LINGO2: variants seen among roughly 807,000 people sequenced by gnomAD.
LINGO2 encodes the protein leucine-rich repeat and immunoglobulin-like domain-containing nogo receptor-interacting protein 2.
A neutral mutation model predicts 30.6 loss-of-function variants in LINGO2; 14 were observed. The observed-to-expected ratio is 0.46, with a 90% CI of 0.30 to 0.72. The LOEUF (loss-of-function observed/expected upper bound fraction) is 0.72. Among genes scored for constraint, LINGO2 ranks in the 30% least tolerant of loss-of-function variants. The pLI, the probability that LINGO2 is intolerant of heterozygous loss-of-function variation, is 0.07. For synonymous variants in LINGO2, 317 were observed against 288.5 expected, an observed-to-expected ratio of 1.10 and a Z score of -1.00; for missense variants, 729 against 751.7, an observed-to-expected ratio of 0.97 and a Z score of 0.35.
chr9:28,416,173 G>T (rs1822959435), intron 2 of LINGO2, among the ~76,000 whole-genome samples: 2 of 152,030 alleles, frequency 1.3e-5, no homozygotes, highest in Admixed American at 6.6e-5. Context: ...TAAACAATCT[G>T]CTTTCTCTGA....
At chr9:28,086,310 A>C (rs1457702985) in intron 4 of LINGO2, among the ~76,000 whole-genome samples, 1 of 152,118 alleles carries the variant, frequency 6.6e-6, no homozygotes, top group Non-Finnish European at 1.5e-5. Context: ...TTAAAAAATG[A>C]TACAACTCAG....
intron 4 of LINGO2, among the ~76,000 whole-genome samples, chr9:28,145,785 GTCT>G (rs1291833172): frequency 6.6e-6 from 1 of 151,846 alleles, no homozygotes; most frequent in African/African-American, 2.4e-5. Flanking sequence ...ACATTAAAAG[GTCT>G]TCTTTTTTTC....
chr9:28,653,747 G>A (rs1205183040), intron 1 of LINGO2, among the ~76,000 whole-genome samples: 3 of 151,938 alleles, frequency 2.0e-5, no homozygotes, highest in Admixed American at 6.6e-5. Flanking sequence ...TACACTGTAC[G>A]GGATTGTTTT....
the LINGO2 span, among the ~76,000 whole-genome samples, chr9:28,750,325 G>T: frequency 2.6e-5 from 4 of 152,110 alleles, no homozygotes; most frequent in South Asian, 2.1e-4. Flanking sequence ...GAATCATGTG[G>T]CGTAAGCCAA....
chr9:28,877,574 T>C, the LINGO2 span, among the ~76,000 whole-genome samples: 3 of 152,096 alleles, frequency 2.0e-5, no homozygotes, highest in Non-Finnish European at 4.4e-5. Context: ...ATATGCAGCG[T>C]TATTTCTGAG....
chr9:28,411,313 C>T (rs1822751891), intron 2 of LINGO2, among the ~76,000 whole-genome samples: 2 of 152,054 alleles, frequency 1.3e-5, no homozygotes, highest in South Asian at 4.2e-4. Flanking sequence ...ATGATTTTAT[C>T]CTTGGTTTTT....
At chr9:28,108,768 C>A (rs1285266004) in intron 4 of LINGO2, among the ~76,000 whole-genome samples, 2 of 152,098 alleles carry the variant, frequency 1.3e-5, no homozygotes, top group Admixed American at 6.6e-5. Context: ...ACACTTAGTT[C>A]TTTCCTTCTA....
intron 5 of LINGO2, 71 bp from the exon 7 acceptor site, chr9:27,950,777 A>C: frequency 1.3e-6 from 1 of 796,872 alleles, no homozygotes; most frequent in Non-Finnish European, 1.8e-6. Context: ...AGGGGCATAA[A>C]TAGGGCAGCA....
the LINGO2 span, among the ~76,000 whole-genome samples, chr9:28,921,070 T>A: frequency 6.6e-6 from 1 of 152,164 alleles, no homozygotes; most frequent in Non-Finnish European, 1.5e-5. Flanking sequence ...ATCACCTTTA[T>A]GACACATGCG....
the LINGO2 span, among the ~76,000 whole-genome samples, chr9:29,081,170 A>G: frequency 0.2 from 29,819 of 151,848 alleles, 3,013 homozygotes; most frequent in African/African-American, 0.24. Flanking sequence ...CGATGCAAAA[A>G]TCCTCAATAA....
chr9:28,430,115 T>C (rs924312042), intron 2 of LINGO2, among the ~76,000 whole-genome samples: 17 of 87,944 alleles, frequency 1.9e-4, no homozygotes, highest in South Asian at 8.4e-4. Flanking sequence ...CGCGCGTGTG[T>C]GTGTGTGTGT....
At chr9:29,057,843 A>G in the LINGO2 span, among the ~76,000 whole-genome samples, 3 of 152,122 alleles carry the variant, frequency 2.0e-5, no homozygotes, top group African/African-American at 7.2e-5. Context: ...ATCAGCATGG[A>G]AAGTATTAAA....
chr9:29,062,811 T>A, the LINGO2 span, among the ~76,000 whole-genome samples: 2 of 152,170 alleles, frequency 1.3e-5, no homozygotes. Context: ...AAAATAAGCA[T>A]GATTACATAT....
chr9:28,360,906 A>C (rs890634147), intron 3 of LINGO2, among the ~76,000 whole-genome samples: 1 of 152,154 alleles, frequency 6.6e-6, no homozygotes, highest in African/African-American at 2.4e-5. Flanking sequence ...AATGGCACAA[A>C]AAACAACTAG....
chr9:28,881,756 G>A, the LINGO2 span, among the ~76,000 whole-genome samples: 1 of 152,022 alleles, frequency 6.6e-6, no homozygotes, highest in South Asian at 2.1e-4. Flanking sequence ...TAGGTATTAA[G>A]CCCAGCATCC....
intron 4 of LINGO2, among the ~76,000 whole-genome samples, chr9:28,099,688 T>C (rs1440549996): frequency 6.6e-6 from 1 of 152,174 alleles, no homozygotes; most frequent in Non-Finnish European, 1.5e-5. Flanking sequence ...TATGATAATA[T>C]TAGTCTTTAA....
the LINGO2 span, among the ~76,000 whole-genome samples, chr9:28,820,263 G>C: frequency 7.0e-6 from 1 of 142,952 alleles, no homozygotes; most frequent in Non-Finnish European, 1.5e-5. Context: ...AAAAAAAATA[G>C]GCCTAGGAGC....
At chr9:28,849,455 A>G in the LINGO2 span, among the ~76,000 whole-genome samples, 5 of 152,050 alleles carry the variant, frequency 3.3e-5, no homozygotes, top group African/African-American at 1.2e-4. Context: ...CTGGATGAAG[A>G]AGACTTTCTG....
chr9:28,933,592 G>A, the LINGO2 span, among the ~76,000 whole-genome samples: 1 of 152,122 alleles, frequency 6.6e-6, no homozygotes, highest in African/African-American at 2.4e-5. Flanking sequence ...TTTTATAAGT[G>A]TGAAAGTTGT....
Sources: gnomAD v4.1 joint callset for allele counts (sites outside exome capture counted in the v4.1 genomes callset) on GRCh38, gnomAD v4.1.1 for gene constraint, MANE v1.5 for transcripts, NCBI Gene and HGNC (gene_info 2026-07-23, HGNC 2026-07-21) for gene names.